Variants in GPR143 observed in about 807,000 individuals in gnomAD.
GPR143 encodes the protein G protein-coupled receptor 143.
GPR143 carries 8 observed loss-of-function variants against 27.6 expected under a neutral mutation model. That is an observed-to-expected ratio of 0.29 (90% confidence interval 0.17 to 0.52). The LOEUF is 0.52. Among genes scored for constraint, GPR143 ranks in the 20% least tolerant of loss-of-function variants. GPR143 has a pLI of 0.96. For synonymous variants in GPR143, 156 were observed against 153.2 expected (o/e 1.02, Z -0.13); for missense variants, 303 against 343.1 (o/e 0.88, Z 0.92).
chrX:9,740,753 C>CTTTTTTTT (rs374177494), intron 7 of GPR143: 13 of 178,138 alleles, frequency 7.3e-5, no homozygotes, highest in Non-Finnish European at 7.9e-5. Flanking sequence ...TTCTTTCTTT[C>CTTTTTTTT]TTTTTTTTTT....
chrX:9,761,470 C>T (rs2083500385), intron 1 of GPR143, among the ~76,000 whole-genome samples: 1 of 112,373 alleles, frequency 8.9e-6, no homozygotes, highest in African/African-American at 3.2e-5. Context: ...CAGTCTCATC[C>T]CTATTTTGTT....
At chrX:9,772,917 G>A (rs184063981) in intron 1 of GPR143, among the ~76,000 whole-genome samples, 1 of 109,687 alleles carries the variant, frequency 9.1e-6, no homozygotes, top group African/African-American at 3.3e-5. Context: ...TGGCATTTGT[G>A]ATGGAATAAA....
intron 1 of GPR143, among the ~76,000 whole-genome samples, chrX:9,772,073 A>AT (rs1448919782): frequency 2.7e-5 from 3 of 111,466 alleles, no homozygotes; most frequent in Non-Finnish European, 5.6e-5. Context: ...ATGGTGAGCA[A>AT]TGTCCTTCCT....
At chrX:9,765,491 G>A in intron 1 of GPR143, 77 bp downstream of exon 1, 1 of 925,535 alleles carries the variant, frequency 1.1e-6, no homozygotes, top group Non-Finnish European at 1.4e-6. Flanking sequence ...GGCACCAGTC[G>A]GGTCTCAACC....
intron 8 of GPR143, among the ~76,000 whole-genome samples, chrX:9,728,639 T>TAAAAAAAAAAAAAAAAAAA (rs57462205): frequency 5.2e-5 from 1 of 19,205 alleles, no homozygotes; most frequent in African/African-American, 1.8e-4. Flanking sequence ...CCCTATCTCT[T>TAAAAAAAAAAAAAAAAAAA]AAAAAAAAAA....
intron 8 of GPR143, among the ~76,000 whole-genome samples, chrX:9,736,468 T>G (rs145593995): frequency 0.047 from 5,226 of 111,064 alleles, 298 homozygotes; most frequent in African/African-American, 0.16. Flanking sequence ...TATACTTTTT[T>G]TTAAAGAGAT....
chrX:9,764,183 C>T (rs754782692), intron 1 of GPR143, among the ~76,000 whole-genome samples: 10 of 110,591 alleles, frequency 9.0e-5, no homozygotes, highest in Admixed American at 1.9e-4. Flanking sequence ...CCCAGCTACT[C>T]GGGTAGCTGA....
At chrX:9,766,350 CT>C (rs1178393591), upstream of GPR143, among the ~76,000 whole-genome samples, 1 of 111,421 alleles carries the variant, frequency 9.0e-6, no homozygotes, top group Admixed American at 9.6e-5. Flanking sequence ...CCAATTAGTG[CT>C]TTTTTTTATG....
At chrX:9,739,134 C>G (rs189082812) in intron 8 of GPR143, among the ~76,000 whole-genome samples, 1 of 112,039 alleles carries the variant, frequency 8.9e-6, no homozygotes, top group African/African-American at 3.2e-5. Flanking sequence ...TTTGGTACAC[C>G]CCATCACGGG....
Position 9,739,477 on chromosome X carries a change from G to A in GPR143, c.1120+8C>T. On this transcript the variant is annotated splice_region_variant and intron_variant, in intron 8 of 8. Coordinates refer to ENST00000467482, the MANE Select transcript of GPR143 (RefSeq NM_000273.3). Reference sequence around the variant, plus strand: ...GAAGTCTACCTGCTGTGGCAGACAGGGCATTACCTTCAGACAGCATGCTCA... The same window carrying A: ...GAAGTCTACCTGCTGTGGCAGACAGAGCATTACCTTCAGACAGCATGCTCA... 1 of 1,155,770 alleles carries A rather than the reference G, an allele frequency of 8.7e-7. No homozygotes were observed. The highest frequency in any genetic ancestry group is 1.2e-6 in the Non-Finnish European group (1 of 846,074).
intron 1 of GPR143, among the ~76,000 whole-genome samples, chrX:9,764,504 G>GCACACACACACA (rs201690882): frequency 1.0e-5 from 1 of 99,054 alleles, no homozygotes; most frequent in African/African-American, 3.8e-5. Flanking sequence ...TTACACACGC[G>GCACACACACACA]CACACACACA....
chrX:9,748,426 G>C lies in GPR143; in HGVS notation c.548+148C>G, dbSNP rs2083437675. The stretch of plus-strand genomic sequence containing the variant: ...TATTGTAGTCAGCCCTCTGGGGCTG[G>C]GCCGTGAGCATGGCCTCATGTGGCC... On this transcript the variant is annotated intron_variant, in intron 4 of 8. Coordinates refer to ENST00000467482, the MANE Select transcript of GPR143 (RefSeq NM_000273.3). 5.9e-6 allele frequency: 3 copies of C among 504,652 alleles called. No homozygotes were observed. In the Admixed American group the frequency reaches 8.2e-5, roughly 14 times the overall value. The allele number at this position is 504,652 out of a possible 1,213,427, so 41.6% of individuals were successfully genotyped here.
intron 3 of GPR143, among the ~76,000 whole-genome samples, chrX:9,751,690 T>A (rs2083452103): frequency 8.9e-6 from 1 of 112,282 alleles, no homozygotes; most frequent in South Asian, 3.7e-4. Flanking sequence ...CTAGTAATAG[T>A]GAGGCTAACT....
intron 8 of GPR143, among the ~76,000 whole-genome samples, chrX:9,727,816 G>A (rs2083334977): frequency 1.8e-5 from 2 of 112,281 alleles, no homozygotes; most frequent in African/African-American, 6.5e-5. Flanking sequence ...GGGCCTTGCT[G>A]ACAACTGCAG....
upstream of GPR143, among the ~76,000 whole-genome samples, chrX:9,766,899 T>TCA (rs1456582050): frequency 1.9e-4 from 13 of 67,142 alleles, no homozygotes; most frequent in African/African-American, 8.1e-4. Context: ...CCTATCTCTC[T>TCA]CTCTCACACA....
At chrX:9,767,475 G>A (rs1017030368), upstream of GPR143, among the ~76,000 whole-genome samples, 1 of 111,276 alleles carries the variant, frequency 9.0e-6, no homozygotes, top group African/African-American at 3.3e-5. Flanking sequence ...GATCTGTGCC[G>A]TCTTCCTCTA....
Position 9,725,831 on chromosome X carries a change from G to A in GPR143, c.1130C>T (p.Ala377Val), listed in dbSNP as rs1359127369. The A allele has an allele frequency of 8.3e-7, 1 of 1,206,619 alleles. No individual in the cohort carries two copies. The highest frequency in any genetic ancestry group is 1.1e-6 in the Non-Finnish European group (1 of 893,753). The change falls in exon 9 of 9, where the codon GCC becomes GTC. Residue 377 changes from alanine (A) to valine (V), a missense_variant. By Grantham distance (64) the Ala-to-Val change is moderately conservative (BLOSUM62 0). Transcript: ENST00000467482. ...ALSMLSEGSD[A>V]STIEIHTASE... ...TGCAGTGTGAATTTCAATTGTGCTG[G>A]CATCAGAACCTGGAGAGGAAAAGAC...
chrX:9,733,218 C>T (rs769606663), intron 8 of GPR143, among the ~76,000 whole-genome samples: 7 of 110,863 alleles, frequency 6.3e-5, no homozygotes, highest in African/African-American at 2.3e-4. Flanking sequence ...ATGGGAAATG[C>T]AAGGCATTAT....
intron 8 of GPR143, among the ~76,000 whole-genome samples, chrX:9,732,377 T>C (rs1485726943): frequency 1.8e-5 from 2 of 110,936 alleles, no homozygotes; most frequent in African/African-American, 6.6e-5. Flanking sequence ...TACAGGACTA[T>C]GGGTGGGAAT....
Sources: gnomAD v4.1 joint callset for allele counts (sites outside exome capture counted in the v4.1 genomes callset) on GRCh38, gnomAD v4.1.1 for gene constraint, MANE v1.5 for transcripts, NCBI Gene and HGNC (gene_info 2026-07-23, HGNC 2026-07-21) for gene names.